EPHA3: variants seen among roughly 807,000 people sequenced by gnomAD.
The protein encoded by EPHA3 is ephrin type-A receptor 3.
In EPHA3, 42 loss-of-function variants were observed where a neutral mutation model predicts 107.1. The observed-to-expected ratio is 0.39, with a 90% CI of 0.31 to 0.51. The LOEUF (loss-of-function observed/expected upper bound fraction) is 0.51, where lower values mean the gene tolerates loss of function less well. Among genes scored for constraint, EPHA3 ranks in the 20% least tolerant of loss-of-function variants. The pLI, the probability that EPHA3 is intolerant of heterozygous loss-of-function variation, is 0.78. For synonymous variants in EPHA3, 461 were observed against 424.8 expected (o/e 1.09, Z -1.05); for missense variants, 1,183 against 1,211.2 (o/e 0.98, Z 0.35).
intron 3 of EPHA3, among the ~76,000 whole-genome samples, chr3:89,294,958 A>T (rs569383012): frequency 2.6e-5 from 4 of 152,286 alleles, no homozygotes; most frequent in Admixed American, 2.6e-4. Flanking sequence ...CAGTTAAATT[A>T]TTGAAAAACA....
chr3:89,278,587 C>T (rs1428042238), intron 3 of EPHA3, among the ~76,000 whole-genome samples: 11 of 152,024 alleles, frequency 7.2e-5, no homozygotes, highest in East Asian at 3.9e-4. Flanking sequence ...GGACTTCATG[C>T]GCAATGGCCT....
At chr3:89,424,528 T>G (rs552404070) in intron 11 of EPHA3, among the ~76,000 whole-genome samples, 6 of 150,908 alleles carry the variant, frequency 4.0e-5, no homozygotes, top group Non-Finnish European at 5.9e-5. Flanking sequence ...TCTTAAACCT[T>G]TTTTTTTGAC....
chr3:89,253,735 C>T (rs1705215356), intron 3 of EPHA3, among the ~76,000 whole-genome samples: 1 of 151,722 alleles, frequency 6.6e-6, no homozygotes, highest in South Asian at 2.1e-4. Flanking sequence ...AAGTTTCTGA[C>T]TAATAACAAA....
chr3:89,255,528 G>T (rs1004068685), intron 3 of EPHA3, among the ~76,000 whole-genome samples: 4 of 152,162 alleles, frequency 2.6e-5, no homozygotes, highest in African/African-American at 7.2e-5. Context: ...TATGACAGGG[G>T]CCATATGGCC....
chr3:89,340,969 T>G lies in EPHA3; in HGVS notation c.868T>G (p.Cys290Gly). 1 of 1,614,172 alleles carries G rather than the reference T, an allele frequency of 6.2e-7. No individual in the cohort carries two copies. Among genetic ancestry groups the G allele is most frequent in the Non-Finnish European group, 8.5e-7 (1 of 1,180,004 alleles). The change falls in exon 4 of 17, where the codon TGC becomes GGC. Residue 290 changes from cysteine (C) to glycine (G), a missense_variant. By Grantham distance (159) the Cys-to-Gly change is radical. Coordinates refer to ENST00000336596, the MANE Select transcript of EPHA3 (RefSeq NM_005233.6). Reference protein sequence around the residue: ...ALDGNMKCAKCPPHSSTQEDG... With the variant: ...ALDGNMKCAKGPPHSSTQEDG... ...GGATGGTAATATGAAGTGTGCTAAG[T>G]GCCCGCCTCACAGTTCTACTCAGGA...
At chr3:89,203,642 T>C (rs1173028423) in intron 2 of EPHA3, among the ~76,000 whole-genome samples, 1 of 151,708 alleles carries the variant, frequency 6.6e-6, no homozygotes, top group Non-Finnish European at 1.5e-5. Context: ...CCGGGCGCAG[T>C]GGCGGGCGCC....
At chr3:89,136,348 T>TTTTTTTTTTA in intron 2 of EPHA3, among the ~76,000 whole-genome samples, 1 of 138,298 alleles carries the variant, frequency 7.2e-6, no homozygotes, top group Non-Finnish European at 1.6e-5. Context: ...TTTTTTTTTT[T>TTTTTTTTTTA]TTTTTTGACC....
At chr3:89,255,146 A>T (rs1231186247) in intron 3 of EPHA3, among the ~76,000 whole-genome samples, 1 of 152,180 alleles carries the variant, frequency 6.6e-6, no homozygotes, top group Non-Finnish European at 1.5e-5. Context: ...GATATTAGAA[A>T]ATTCTTATAT....
chr3:89,205,316 G>A (rs1183538062), intron 2 of EPHA3, among the ~76,000 whole-genome samples: 2 of 152,074 alleles, frequency 1.3e-5, no homozygotes, highest in Non-Finnish European at 2.9e-5. Flanking sequence ...ATAGTTATTA[G>A]GTAAATGCCA....
intron 2 of EPHA3, among the ~76,000 whole-genome samples, chr3:89,197,811 A>T (rs1367186567): frequency 1.3e-5 from 2 of 151,940 alleles, no homozygotes; most frequent in African/African-American, 4.8e-5. Context: ...CCCTCTTTCT[A>T]CCAAAAATTA....
At chr3:89,428,928 G>T (rs1206653860) in intron 11 of EPHA3, among the ~76,000 whole-genome samples, 178 bp from the exon 12 acceptor site, 8 of 152,050 alleles carry the variant, frequency 5.3e-5, no homozygotes, top group South Asian at 4.2e-4. Context: ...AATTTTTGTG[G>T]TTTTTAAAGT....
At chr3:89,116,070 C>T (rs547441623) in intron 1 of EPHA3, among the ~76,000 whole-genome samples, 3 of 152,192 alleles carry the variant, frequency 2.0e-5, no homozygotes, top group Non-Finnish European at 2.9e-5. Context: ...GTGGGGGGGA[C>T]CCACTAAGAA....
chr3:89,317,080 C>T (rs1706926518), intron 3 of EPHA3, among the ~76,000 whole-genome samples: 1 of 151,688 alleles, frequency 6.6e-6, no homozygotes, highest in Non-Finnish European at 1.5e-5. Context: ...ATCTACTTAA[C>T]CAAACGTTAA....
At chr3:89,183,195 T>C (rs1294090716) in intron 2 of EPHA3, among the ~76,000 whole-genome samples, 1 of 152,022 alleles carries the variant, frequency 6.6e-6, no homozygotes, top group East Asian at 1.9e-4. Flanking sequence ...ATTTAGTTAT[T>C]AAATTTCTAC....
chr3:89,477,498 C>T (rs1002783199), intron 16 of EPHA3, among the ~76,000 whole-genome samples: 7 of 152,130 alleles, frequency 4.6e-5, no homozygotes, highest in African/African-American at 1.7e-4. Flanking sequence ...TTTTCTTGAA[C>T]ACCTTTATTG....
intron 3 of EPHA3, among the ~76,000 whole-genome samples, chr3:89,232,141 C>A (rs1559611767): frequency 1.3e-5 from 2 of 151,950 alleles, no homozygotes. Flanking sequence ...GTTCTGAGCC[C>A]CAATGGGACC....
intron 2 of EPHA3, among the ~76,000 whole-genome samples, chr3:89,184,858 A>G (rs1705527987): frequency 6.6e-6 from 1 of 152,050 alleles, no homozygotes; most frequent in Non-Finnish European, 1.5e-5. Flanking sequence ...GAAGCTGGAA[A>G]CTACTGCTCC....
At chr3:89,379,967 G>T (rs548520931) in intron 5 of EPHA3, among the ~76,000 whole-genome samples, 42 of 152,204 alleles carry the variant, frequency 2.8e-4, no homozygotes, top group Non-Finnish European at 4.1e-4. Flanking sequence ...CTTTCAATAG[G>T]ACCTCTCTTT....
At chr3:89,215,312 A>T (rs1306324093) in intron 3 of EPHA3, among the ~76,000 whole-genome samples, 2 of 151,922 alleles carry the variant, frequency 1.3e-5, no homozygotes, top group African/African-American at 4.8e-5. Flanking sequence ...CACTATCTAA[A>T]AAGTAGTTAA....
Sources: allele counts gnomAD v4.1 joint callset (sites outside exome capture counted in the v4.1 genomes callset), GRCh38; gene constraint gnomAD v4.1.1; transcripts MANE v1.5; gene names NCBI Gene and HGNC (gene_info 2026-07-23, HGNC 2026-07-21).